Variants in CFAP100 observed in about 807,000 individuals in gnomAD.
The protein encoded by CFAP100 is cilia- and flagella-associated protein 100.
CFAP100 carries 70 observed loss-of-function variants against 81.5 expected under a neutral mutation model. The ratio of observed to expected loss-of-function variants is 0.86; its 90% CI spans 0.71 to 1.05. The LOEUF (loss-of-function observed/expected upper bound fraction) is 1.05. Ranked by LOEUF, CFAP100 falls within the 50% of genes least tolerant of loss-of-function variation. The probability of loss-of-function intolerance (pLI) is 0.00; values close to 1 mark genes in which losing one functional copy is unlikely to be tolerated. For synonymous variants in CFAP100, 341 were observed against 314.8 expected, an observed-to-expected ratio of 1.08 and a Z score of -0.88; for missense variants, 811 against 776.5, an observed-to-expected ratio of 1.04 and a Z score of -0.53.
chr3:126,432,065 G>T (rs1343251458), intron 13 of CFAP100, among the ~76,000 whole-genome samples: 1 of 152,032 alleles, frequency 6.6e-6, no homozygotes, highest in African/African-American at 2.4e-5. Context: ...AGGATCACAA[G>T]GTCAGGAGAT....
chr3:126,407,254 T>G lies in CFAP100; in HGVS notation c.130+2T>G. 6.2e-7 allele frequency: 1 copy of G among 1,611,586 alleles called. No individual in the cohort carries two copies. Among genetic ancestry groups the G allele is most frequent in the Non-Finnish European group, 8.5e-7 (1 of 1,178,238 alleles). On this transcript the variant is annotated splice_donor_variant, in intron 3 of 16. Transcript: ENST00000352312. LOFTEE classifies it high-confidence loss of function. ...AGAAACAGGCAAGAAAAAACGAAGG[T>G]AACCTTCAAGCTGGGAGGCTAAAGT...
chr3:126,408,516 C>T (rs2083104629), intron 3 of CFAP100, among the ~76,000 whole-genome samples: 1 of 152,148 alleles, frequency 6.6e-6, no homozygotes, highest in Non-Finnish European at 1.5e-5. Context: ...TGCAGCAAGC[C>T]CCAGTGTCCC....
At chr3:126,408,026 C>T (rs1483133915) in intron 3 of CFAP100, among the ~76,000 whole-genome samples, 1 of 152,204 alleles carries the variant, frequency 6.6e-6, no homozygotes, top group Non-Finnish European at 1.5e-5. Context: ...CCCAGGCTCC[C>T]ACCCCTCTCC....
intron 7 of CFAP100, 21 bp from the exon 8 acceptor site, chr3:126,419,054 TC>T: frequency 1.2e-5 from 4 of 334,500 alleles, no homozygotes; most frequent in Admixed American, 5.4e-5. Flanking sequence ...CCATCCCTCC[TC>T]CCCCGCCGCC....
intron 13 of CFAP100, among the ~76,000 whole-genome samples, chr3:126,430,021 A>C (rs1933146332): frequency 6.6e-6 from 1 of 152,214 alleles, no homozygotes; most frequent in Non-Finnish European, 1.5e-5. Flanking sequence ...CTGGTGAGAA[A>C]TATACTGATC....
Position 126,418,690 on chromosome 3 carries a change from C to T in CFAP100, c.566C>T (p.Ala189Val), listed in dbSNP as rs2083280564. 1 of 1,582,650 alleles carries T rather than the reference C, an allele frequency of 6.3e-7. No individual in the cohort carries two copies. ...ATKEEARLER[A>V]EKSLEKDAAL... is the part of the protein sequence containing the mutation. ...AAAGAGGAGGCCAGGCTGGAGCGGG[C>T]CGAGAAATCCCTGGAGAAGGACGCC... The change falls in exon 7 of 17, where the codon GCC becomes GTC. Residue 189 changes from alanine to valine, a missense_variant. By Grantham distance (64) the Ala-to-Val change is moderately conservative. Coordinates refer to ENST00000352312, the MANE Select transcript of CFAP100 (RefSeq NM_182628.3).
chr3:126,415,011 A>C (rs2107601178), intron 4 of CFAP100, among the ~76,000 whole-genome samples: 1 of 152,288 alleles, frequency 6.6e-6, no homozygotes, highest in African/African-American at 2.4e-5. Context: ...ATCAGAGACC[A>C]GGGCTGGGCC....
At chr3:126,434,583 G>A in intron 15 of CFAP100, 1 of 563,352 alleles carries the variant, frequency 1.8e-6, no homozygotes, top group South Asian at 2.1e-5. Flanking sequence ...GCTTCCTAGA[G>A]CAAACGACAG....
rs147543053 is a variant in CFAP100, at chr3:126,416,479, A to G, written c.389A>G (p.Tyr130Cys). The G allele has an allele frequency of 3.7e-6, 6 of 1,604,904 alleles. No individual in the cohort carries two copies. Among genetic ancestry groups the G allele is most frequent in the African/African-American group, 1.3e-5 (1 of 74,632 alleles). ...EAEHQRAFRD[Y>C]TTWKLTLTKE... Reference sequence around the variant, plus strand: ...GAGCATCAGCGCGCCTTCCGCGACTACACGACCTGGAAGCTCACCTTGACC... The same window carrying G: ...GAGCATCAGCGCGCCTTCCGCGACTGCACGACCTGGAAGCTCACCTTGACC... Residue 130 changes from tyrosine to cysteine, a missense_variant, in exon 5 of 17, where the codon TAC becomes TGC. Transcript: ENST00000352312.
intron 11 of CFAP100, 43 bp downstream of exon 11, chr3:126,420,272 CGAGCCCTCCCTTGTG>C: frequency 1.2e-6 from 2 of 1,606,082 alleles, no homozygotes; most frequent in Non-Finnish European, 1.7e-6. Context: ...GGCCTAGCGG[CGAGCCCTCCCTTGTG>C]GCACCCATGT....
At position 126,416,521 on chromosome 3, in the gene CFAP100, C is replaced by G. The variant is rs761271172; in HGVS notation, c.418+13C>G. On this transcript the variant is annotated intron_variant, in intron 5 of 16. Coordinates refer to ENST00000352312, the MANE Select transcript of CFAP100 (RefSeq NM_182628.3). ...ACCTTGACCAAAGGTGCGTCCCCTC[C>G]GGCGCGGGGGGACCTGGGCCAGTGG... 3.2e-6 allele frequency: 5 copies of G among 1,551,688 alleles called. No homozygotes were observed. Among genetic ancestry groups the G allele is most frequent in the Non-Finnish European group, 2.6e-6 (3 of 1,146,760 alleles).
At chr3:126,416,529 G>A in intron 5 of CFAP100, 21 bp downstream of exon 5, 1 of 1,531,334 alleles carries the variant, frequency 6.5e-7, no homozygotes, top group Non-Finnish European at 8.8e-7. Context: ...TCCGGCGCGG[G>A]GGGACCTGGG....
chr3:126,401,223 T>A (rs2107584284), intron 2 of CFAP100, among the ~76,000 whole-genome samples: 1 of 151,632 alleles, frequency 6.6e-6, no homozygotes, highest in African/African-American at 2.4e-5. Flanking sequence ...AGTTTCAGTT[T>A]GGGATGATGA....
In CFAP100 at chr3:126,423,598, A is replaced by T. The variant is rs1278833631; in HGVS notation, c.1240A>T (p.Thr414Ser). The change falls in exon 13 of 17, where the codon ACC becomes TCC. Residue 414 changes from threonine to serine, a missense_variant. By Grantham distance (58) the Thr-to-Ser change is moderately conservative (BLOSUM62 1). Transcript: ENST00000352312. ...CCAGAACAGCCAGGAGACGGAGAAG[A>T]CCCTGGAGGAGCTGAGCCACACCCT... ...LIQNSQETEK[T>S]LEELSHTLKH... 5.0e-6 allele frequency: 8 copies of T among 1,613,896 alleles called. No homozygotes were observed. The highest frequency in any genetic ancestry group is 5.9e-6 in the Non-Finnish European group (7 of 1,179,944).
chr3:126,433,270 G>A (rs1420946108), intron 14 of CFAP100, 66 bp downstream of exon 14: 2 of 1,580,304 alleles, frequency 1.3e-6, no homozygotes, highest in African/African-American at 2.7e-5. Flanking sequence ...CCCACTGGAG[G>A]AGCCCTGACA....
In CFAP100 at chr3:126,411,263, T is replaced by C. The variant is rs1453570379; in HGVS notation, c.131-2822T>C. Among the ~76,000 whole-genome samples the C allele has an allele frequency of 2.0e-5, 3 of 152,158 alleles. No homozygotes were observed. The East Asian group carries it at 5.8e-4, about 29-fold the overall frequency. On this transcript the variant is annotated intron_variant, in intron 3 of 16. Coordinates refer to ENST00000352312, the MANE Select transcript of CFAP100 (RefSeq NM_182628.3). ...ACTTGATCACGATGAATTATCTTTC[T>C]GATGTGCTGTTGGATTCAGTTAGCT... is the stretch of plus-strand genomic sequence containing the variant.
In CFAP100 at chr3:126,436,500, CCTCT is replaced by C. The variant is rs1202415393; in HGVS notation, c.*99_*102del. Reference sequence around the variant, plus strand: ...TGGGTCTCGAGTGGCCCAACTGAGTCCTCTCTGTCTCCTGTGTGCTCCCTTCCTC... The same window carrying C: ...TGGGTCTCGAGTGGCCCAACTGAGTCCTGTCTCCTGTGTGCTCCCTTCCTC... On this transcript the variant is annotated 3_prime_UTR_variant, in exon 17 of 17. Transcript: ENST00000352312. 3.2e-5 allele frequency: 26 copies of C among 816,820 alleles called. No homozygotes were observed. The highest frequency in any genetic ancestry group is 2.0e-4 in the African/African-American group (12 of 59,048). 50.6% of individuals were successfully genotyped at this position (816,820 alleles called of 1,614,324 possible). A position where few individuals can be genotyped will look rare whatever the true frequency, so the allele number is the denominator to read the frequency against.
intron 2 of CFAP100, among the ~76,000 whole-genome samples, chr3:126,406,231 TC>T (rs1201421938): frequency 6.6e-6 from 1 of 152,112 alleles, no homozygotes; most frequent in Non-Finnish European, 1.5e-5. Flanking sequence ...TTCCCGCCTG[TC>T]CCACAAGACT....
chr3:126,427,823 T>C (rs1933019316), intron 13 of CFAP100, among the ~76,000 whole-genome samples: 1 of 152,240 alleles, frequency 6.6e-6, no homozygotes, highest in Non-Finnish European at 1.5e-5. Context: ...GGAAGCATGA[T>C]GCTGGCAGCT....
Sources: allele counts gnomAD v4.1 joint callset (sites outside exome capture counted in the v4.1 genomes callset), GRCh38; gene constraint gnomAD v4.1.1; transcripts MANE v1.5; gene names NCBI Gene and HGNC (gene_info 2026-07-23, HGNC 2026-07-21).